ACP6: variants seen among roughly 807,000 people sequenced by gnomAD.
ACP6 encodes lysophosphatidic acid phosphatase type 6.
Under a neutral mutation model 48.1 loss-of-function variants are expected in ACP6, and 48 were observed. That is an observed-to-expected ratio of 1.00 (90% CI 0.79 to 1.27). ACP6 has a LOEUF of 1.27. Among genes scored for constraint, ACP6 ranks in the 50% most tolerant of loss-of-function variants. The probability of loss-of-function intolerance (pLI) is 0.00; values close to 1 mark genes in which losing one functional copy is unlikely to be tolerated. For synonymous variants in ACP6, 172 were observed against 204.2 expected (o/e 0.84, Z 1.34); for missense variants, 485 against 529.1 (o/e 0.92, Z 0.82).
At chr1:147,654,450 G>T in intron 5 of ACP6, 124 bp from the exon 6 acceptor site, 2 of 1,048,694 alleles carry the variant, frequency 1.9e-6, no homozygotes, top group South Asian at 1.7e-5. Context: ...GGGTTAGCTG[G>T]TATTATCCCA....
chr1:147,643,188 G>A lies in ACP6; in HGVS notation c.*4235C>T, dbSNP rs1263298351. 1 of 152,142 alleles carries A rather than the reference G, an allele frequency of 6.6e-6. No homozygotes were observed. Among genetic ancestry groups the A allele is most frequent in the Non-Finnish European group, 1.5e-5 (1 of 68,038 alleles). The allele number at this position is 152,142 out of a possible 1,614,324, so 9.4% of individuals were successfully genotyped here. The stretch of plus-strand genomic sequence containing the variant: ...TCCTCAACATCATTGATAGGTTCTT[G>A]GAAACTGTAGCTTTAAGTAAAACAA... On this transcript the variant is annotated 3_prime_UTR_variant, in exon 10 of 10. Transcript: ENST00000583509.
Position 147,647,529 on chromosome 1 carries a change from G to C in ACP6, c.1181C>G (p.Pro394Arg), listed in dbSNP as rs369827104. The C allele has an allele frequency of 6.2e-7, 1 of 1,613,834 alleles. No individual in the cohort carries two copies. Among genetic ancestry groups the C allele is most frequent in the Admixed American group, 1.7e-5 (1 of 60,012 alleles). The change falls in exon 10 of 10, where the codon CCG (proline) becomes CGG (arginine). Residue 394 changes from proline (P) to arginine (R), a missense_variant. Coordinates refer to ENST00000583509, the MANE Select transcript of ACP6 (RefSeq NM_016361.5). ...CATGGCATTCAAGAACATGTCCAGC[G>C]GGCAGAGCCCATCAGGGCAACCTCT... ...VPRGCPDGLC[P>R]LDMFLNAMSV...
chr1:147,647,277 TA>T lies in ACP6; in HGVS notation c.*145del. 2 of 977,262 alleles carry T rather than the reference TA, an allele frequency of 2.0e-6. No individual in the cohort carries two copies. The highest frequency in any genetic ancestry group is 1.6e-5 in the South Asian group (1 of 60,854). 60.5% of individuals were successfully genotyped at this position (977,262 alleles called of 1,614,324 possible). ...CCCTTTTCCGTTCAGGAAGAAATCT[TA>T]GTAAACCCACAGAAAGGAAATATCC... On this transcript the variant is annotated 3_prime_UTR_variant, in exon 10 of 10. Coordinates refer to ENST00000583509, the MANE Select transcript of ACP6 (RefSeq NM_016361.5).
rs782800434 is a variant in ACP6 at position 147,659,001 on chromosome 1, G to T, written c.518C>A (p.Thr173Asn). 2 of 1,612,352 alleles carry T rather than the reference G, an allele frequency of 1.2e-6. No individual in the cohort carries two copies. The highest frequency in any genetic ancestry group is 1.7e-6 in the Non-Finnish European group (2 of 1,179,078). Reference sequence around the variant, plus strand: ...GAAAAGCCCAGCCAGCAAACAACGGGTGGACTCCAGATTCCGAAAAATGTT... The same window carrying T: ...GAAAAGCCCAGCCAGCAAACAACGGTTGGACTCCAGATTCCGAAAAATGTT... ...STNIFRNLES[T>N]RCLLAGLFQC... Residue 173 changes from threonine to asparagine, a missense_variant, in exon 4 of 10, where the codon ACC becomes AAC. By Grantham distance (65) the Thr-to-Asn change is moderately conservative. Coordinates refer to ENST00000583509, the MANE Select transcript of ACP6 (RefSeq NM_016361.5).
chr1:147,670,198 C>T lies in ACP6; in HGVS notation c.-150G>A, dbSNP rs1661026968. 2 of 700,022 alleles carry T rather than the reference C, an allele frequency of 2.9e-6. No individual in the cohort carries two copies. Among genetic ancestry groups the T allele is most frequent in the Non-Finnish European group, 4.6e-6 (2 of 434,626 alleles). The allele number at this position is 700,022 out of a possible 1,614,324, so 43.4% of individuals were successfully genotyped here. A position where few individuals can be genotyped will look rare whatever the true frequency, so the allele number is the denominator to read the frequency against. On this transcript the variant is annotated 5_prime_UTR_variant, in exon 1 of 10. Transcript: ENST00000583509. The stretch of plus-strand genomic sequence containing the variant: ...CTTCAGCAAGCAGGGACCGCTGTGC[C>T]TCCCGGCCCTGAGGGAGACCCCGAG...
At chr1:147,654,587 A>G (rs1169757573) in intron 5 of ACP6, among the ~76,000 whole-genome samples, 1 of 152,244 alleles carries the variant, frequency 6.6e-6, no homozygotes, top group East Asian at 1.9e-4. Context: ...GCATTGCATC[A>G]AAAATGATGC....
At chr1:147,668,389 T>A (rs1231630408) in intron 1 of ACP6, among the ~76,000 whole-genome samples, 1 of 150,618 alleles carries the variant, frequency 6.6e-6, no homozygotes, top group Admixed American at 6.6e-5. Flanking sequence ...CCTAAAAGAA[T>A]CTAAATCTTT....
chr1:147,660,587 C>A (rs1326038422), intron 1 of ACP6, among the ~76,000 whole-genome samples: 4 of 152,170 alleles, frequency 2.6e-5, no homozygotes, highest in Admixed American at 6.5e-5. Flanking sequence ...TTGATCACTG[C>A]CTAGAAGAAA....
chr1:147,638,082 T>C (rs1481413066), downstream of ACP6, among the ~76,000 whole-genome samples: 1 of 152,206 alleles, frequency 6.6e-6, no homozygotes, highest in Non-Finnish European at 1.5e-5. Context: ...GAGTCCCTAC[T>C]ACATGCCAGG....
At chr1:147,651,218 G>C (rs782314034) in intron 7 of ACP6, 1 of 152,236 alleles carries the variant, frequency 6.6e-6, no homozygotes, top group African/African-American at 2.4e-5. Flanking sequence ...GGATGGCCTT[G>C]TGAGGTTGTA....
At chr1:147,669,792 C>A in intron 1 of ACP6, 38 bp downstream of exon 1, 1 of 1,527,512 alleles carries the variant, frequency 6.5e-7, no homozygotes, top group South Asian at 1.2e-5. Context: ...GGCACACGGT[C>A]CTCGCCCCAC....
chr1:147,670,135 C>T lies in ACP6; in HGVS notation c.-87G>A. On this transcript the variant is annotated 5_prime_UTR_variant, in exon 1 of 10. Transcript: ENST00000583509. ...GGGCGCCGGGGCTCAGCGGGCGCCC[C>T]CAAGTCCGCGGGAACCTGCGGATGC... 1.5e-6 allele frequency: 2 copies of T among 1,309,600 alleles called. No homozygotes were observed. The highest frequency in any genetic ancestry group is 2.0e-6 in the Non-Finnish European group (2 of 987,224). The allele number at this position is 1,309,600 out of a possible 1,614,324, so 81.1% of individuals were successfully genotyped here. A position where few individuals can be genotyped will look rare whatever the true frequency, so the allele number is the denominator to read the frequency against.
intron 1 of ACP6, among the ~76,000 whole-genome samples, chr1:147,665,946 C>A (rs1347102737): frequency 6.6e-6 from 1 of 152,120 alleles, no homozygotes; most frequent in Non-Finnish European, 1.5e-5. Context: ...TTTGTGTATA[C>A]CCCTCTTCAA....
At position 147,647,546 on chromosome 1, in the gene ACP6, G is replaced by GCAA; in HGVS notation, c.1161_1163dup (p.Cys388dup). 6.2e-7 allele frequency: 1 copy of GCAA among 1,613,338 alleles called. No homozygotes were observed. Among genetic ancestry groups the GCAA allele is most frequent in the Non-Finnish European group, 8.5e-7 (1 of 1,179,964 alleles). ...TGTCCAGCGGGCAGAGCCCATCAGG[G>GCAA]CAACCTCTCGGCACCTGCTCCTGCA... On this transcript the variant is annotated inframe_insertion, in exon 10 of 10. Coordinates refer to ENST00000583509, the MANE Select transcript of ACP6 (RefSeq NM_016361.5).
intron 5 of ACP6, among the ~76,000 whole-genome samples, chr1:147,631,589 G>A (rs1659164544): frequency 6.6e-6 from 1 of 152,162 alleles, no homozygotes; most frequent in African/African-American, 2.4e-5. Flanking sequence ...GCCGAGGTGG[G>A]TGGGTCACAA....
intron 9 of ACP6, 104 bp from the exon 10 acceptor site, chr1:147,647,670 T>A: frequency 7.0e-7 from 1 of 1,419,442 alleles, no homozygotes. Flanking sequence ...GTGGTATACA[T>A]GTGCATACAT....
chr1:147,666,334 T>C (rs1660797239), intron 1 of ACP6, among the ~76,000 whole-genome samples: 1 of 152,222 alleles, frequency 6.6e-6, no homozygotes, highest in East Asian at 1.9e-4. Context: ...TTCTGTGGGA[T>C]TGTTTCTCCT....
intron 7 of ACP6, 176 bp from the exon 8 acceptor site, chr1:147,650,414 G>C: frequency 1.9e-6 from 1 of 525,952 alleles, no homozygotes. Flanking sequence ...CGGTCTTGGG[G>C]TCCTCTGTGA....
chr1:147,637,633 T>C (rs1479756343), downstream of ACP6, among the ~76,000 whole-genome samples: 1 of 152,148 alleles, frequency 6.6e-6, no homozygotes, highest in Non-Finnish European at 1.5e-5. Context: ...ATTGCACATT[T>C]AGGATTTTGA....
Sources: allele counts gnomAD v4.1 joint callset (sites outside exome capture counted in the v4.1 genomes callset), GRCh38; gene constraint gnomAD v4.1.1; transcripts MANE v1.5; gene names NCBI Gene and HGNC (gene_info 2026-07-23, HGNC 2026-07-21).